Variants in PDE3A observed in about 807,000 individuals in gnomAD.
The protein encoded by PDE3A is phosphodiesterase 3A.
PDE3A carries 43 observed loss-of-function variants against 98.3 expected under a neutral mutation model. That is an observed-to-expected ratio of 0.44 (90% CI 0.34 to 0.56). The LOEUF is 0.56. PDE3A is among the 20% of genes least tolerant of loss of function. The pLI, the probability that PDE3A is intolerant of heterozygous loss-of-function variation, is 0.01. For synonymous variants in PDE3A, 663 were observed against 567.9 expected, an observed-to-expected ratio of 1.17 and a Z score of -2.38; for missense variants, 1,427 against 1,440.7, an observed-to-expected ratio of 0.99 and a Z score of 0.15.
chr12:20,396,655 A>T (rs1052954584), intron 1 of PDE3A, among the ~76,000 whole-genome samples: 4 of 152,128 alleles, frequency 2.6e-5, no homozygotes, highest in African/African-American at 9.7e-5. Flanking sequence ...TATTTAATTT[A>T]AAAATATTTA....
rs1347053779 is a variant in PDE3A, at chr12:20,581,626, T to C, written c.1011+24916T>C. The stretch of plus-strand genomic sequence containing the variant: ...GATTTCTTTTCTTTTCTTTTTTTTT[T>C]TTTTGAGACGGAGTCTCGCTCTGTC... On this transcript the variant is annotated intron_variant, in intron 2 of 15. Coordinates refer to ENST00000359062, the MANE Select transcript of PDE3A (RefSeq NM_000921.5). Among the ~76,000 whole-genome samples, 106 of 150,110 alleles carry C rather than the reference T, an allele frequency of 7.1e-4. 1 individual carries two copies. The highest frequency in any genetic ancestry group is 6.9e-3 in the Admixed American group (104 of 15,146).
chr12:20,680,167 C>A lies in PDE3A; in HGVS notation c.3322C>A (p.Pro1108Thr). 6.2e-7 allele frequency: 1 copy of A among 1,613,762 alleles called. No homozygotes were observed. Among genetic ancestry groups the A allele is most frequent in the Non-Finnish European group, 8.5e-7 (1 of 1,179,838 alleles). Residue 1108 changes from proline to threonine, a missense_variant, in exon 16 of 16, where the codon CCT (proline) becomes ACT (threonine). Pro to Thr is a conservative substitution (Grantham distance 38). Coordinates refer to ENST00000359062, the MANE Select transcript of PDE3A (RefSeq NM_000921.5). ...GIENQSLDQTPQSHSSEQIQA... is the reference protein window; with the variant it reads ...GIENQSLDQTTQSHSSEQIQA... Reference sequence around the variant, plus strand: ...AGAAAATCAATCCCTGGACCAGACCCCTCAGTCGCACTCTTCAGAACAGAT... The same window carrying A: ...AGAAAATCAATCCCTGGACCAGACCACTCAGTCGCACTCTTCAGAACAGAT...
At chr12:20,556,828 C>T in intron 2 of PDE3A, 118 bp downstream of exon 2, 1 of 766,894 alleles carries the variant, frequency 1.3e-6, no homozygotes, top group Non-Finnish European at 2.3e-6. Flanking sequence ...ATAACCATGC[C>T]ATTTGTTTTT....
chr12:20,422,219 A>C (rs761013406), intron 1 of PDE3A, among the ~76,000 whole-genome samples: 1 of 151,888 alleles, frequency 6.6e-6, no homozygotes, highest in East Asian at 1.9e-4. Flanking sequence ...GGTGGCGGGC[A>C]CCTGTAGTCC....
At chr12:20,548,186 A>G (rs1009431593) in intron 1 of PDE3A, among the ~76,000 whole-genome samples, 2 of 152,126 alleles carry the variant, frequency 1.3e-5, no homozygotes, top group African/African-American at 4.8e-5. Context: ...TTTGCCAGGA[A>G]TAAATTTAAG....
intron 15 of PDE3A, among the ~76,000 whole-genome samples, chr12:20,664,749 C>T (rs1945265989): frequency 6.6e-6 from 1 of 152,100 alleles, no homozygotes; most frequent in Admixed American, 6.5e-5. Flanking sequence ...TGAGACCTCC[C>T]CAGCCATGTG....
In PDE3A at chr12:20,552,879, A is replaced by G; in HGVS notation, c.961-3781A>G. 1 of 1,613,252 alleles carries G rather than the reference A, an allele frequency of 6.2e-7. No individual in the cohort carries two copies. The highest frequency in any genetic ancestry group is 8.5e-7 in the Non-Finnish European group (1 of 1,179,552). On this transcript the variant is annotated intron_variant, in intron 1 of 15. Transcript: ENST00000359062. This position sits in a 1 kb window ranked among gnomAD's most constrained non-coding sequence, Gnocchi z 5.1. ...ACGTGTGCAAGGACTGCCTGGACAGATCCTTTCGGGCACAGGTGTTCAGCT... is the reference window on the plus strand; with the variant it reads ...ACGTGTGCAAGGACTGCCTGGACAGGTCCTTTCGGGCACAGGTGTTCAGCT...
intron 1 of PDE3A, among the ~76,000 whole-genome samples, chr12:20,486,383 C>G (rs1157743441): frequency 6.6e-6 from 1 of 152,080 alleles, no homozygotes. Context: ...CATGGGGAAG[C>G]CATCCCCATG....
intron 2 of PDE3A, among the ~76,000 whole-genome samples, chr12:20,567,450 A>G (rs1942690430): frequency 6.6e-6 from 1 of 152,034 alleles, no homozygotes; most frequent in Admixed American, 6.6e-5. Context: ...AATGTCCATG[A>G]TACCTTATTG....
intron 15 of PDE3A, among the ~76,000 whole-genome samples, chr12:20,657,064 A>C (rs1300020415): frequency 2.0e-5 from 3 of 152,184 alleles, no homozygotes; most frequent in Admixed American, 2.0e-4. Flanking sequence ...AAAATATCCC[A>C]TCCACAATGA....
chr12:20,535,798 T>C (rs753299541), intron 1 of PDE3A, among the ~76,000 whole-genome samples: 4 of 152,136 alleles, frequency 2.6e-5, no homozygotes, highest in Non-Finnish European at 5.9e-5. Flanking sequence ...AACATATTGG[T>C]CAAAACATTA....
intron 1 of PDE3A, among the ~76,000 whole-genome samples, chr12:20,384,371 G>T (rs547498377): frequency 1.3e-5 from 2 of 151,758 alleles, no homozygotes; most frequent in Non-Finnish European, 2.9e-5. Flanking sequence ...TGTAATAAAA[G>T]TTGGTTTTGA....
At chr12:20,425,092 C>G (rs182052636) in intron 1 of PDE3A, among the ~76,000 whole-genome samples, 2 of 152,296 alleles carry the variant, frequency 1.3e-5, no homozygotes, top group African/African-American at 4.8e-5. Flanking sequence ...GATCAACTTG[C>G]ATTTGCAGGA....
chr12:20,475,153 T>C (rs766004181), intron 1 of PDE3A, among the ~76,000 whole-genome samples: 3 of 149,108 alleles, frequency 2.0e-5, no homozygotes, highest in African/African-American at 4.9e-5. Context: ...TTATACCAAA[T>C]GTAGGAGAGG....
At chr12:20,446,623 T>C (rs1218440273) in intron 1 of PDE3A, among the ~76,000 whole-genome samples, 2 of 152,198 alleles carry the variant, frequency 1.3e-5, no homozygotes, top group Admixed American at 6.5e-5. Context: ...GTTCTCTGCC[T>C]ACTATGTGCC....
At chr12:20,613,415 C>T in intron 2 of PDE3A, 28 bp from the exon 3 acceptor site, 2 of 1,612,010 alleles carry the variant, frequency 1.2e-6, no homozygotes, top group South Asian at 1.1e-5. Context: ...CCTTTTCTTG[C>T]CTGATCTTGT....
chr12:20,398,580 T>C (rs191737776), intron 1 of PDE3A, among the ~76,000 whole-genome samples: 69 of 152,076 alleles, frequency 4.5e-4, no homozygotes, highest in Non-Finnish European at 8.5e-4. Context: ...TAAAATGATA[T>C]AGCCTAATAA....
At chr12:20,671,369 T>A (rs1945476027) in intron 15 of PDE3A, among the ~76,000 whole-genome samples, 1 of 152,134 alleles carries the variant, frequency 6.6e-6, no homozygotes, top group South Asian at 2.1e-4. Flanking sequence ...ATCATCCTGA[T>A]ACCGAAGCCA....
At chr12:20,404,431 AG>A (rs1207312302) in intron 1 of PDE3A, among the ~76,000 whole-genome samples, 1 of 152,182 alleles carries the variant, frequency 6.6e-6, no homozygotes, top group Non-Finnish European at 1.5e-5. Flanking sequence ...AAAAAAGAAA[AG>A]GGACAACTTT....
Sources: allele counts gnomAD v4.1 joint callset (sites outside exome capture counted in the v4.1 genomes callset), GRCh38; gene constraint gnomAD v4.1.1; non-coding constraint Gnocchi (gnomAD v3.1); transcripts MANE v1.5; gene names NCBI Gene and HGNC (gene_info 2026-07-23, HGNC 2026-07-21).